The following SPATS2L variants were observed in gnomAD, a reference collection of about 807,000 sequenced individuals.
The protein encoded by SPATS2L is spermatogenesis associated serine rich 2 like.
Under a neutral mutation model 59.6 loss-of-function variants are expected in SPATS2L, and 30 were observed. The observed-to-expected ratio is 0.50, with a 90% CI of 0.38 to 0.68. The LOEUF is 0.68. Among genes scored for constraint, SPATS2L ranks in the 30% least tolerant of loss-of-function variants. The pLI is 0.00. For synonymous variants in SPATS2L, 252 were observed against 263.5 expected, an observed-to-expected ratio of 0.96 and a Z score of 0.42; for missense variants, 615 against 700.0, an observed-to-expected ratio of 0.88 and a Z score of 1.37.
chr2:200,325,136 A>G (rs2079692263), intron 1 of SPATS2L, among the ~76,000 whole-genome samples: 1 of 152,158 alleles, frequency 6.6e-6, no homozygotes, highest in Admixed American at 6.5e-5. Context: ...GGGAATCTAT[A>G]ATCTTGTACC....
At chr2:200,437,121 G>A (rs1420759626) in intron 6 of SPATS2L, among the ~76,000 whole-genome samples, 1 of 152,132 alleles carries the variant, frequency 6.6e-6, no homozygotes, top group African/African-American at 2.4e-5. Context: ...TTCTTGTACA[G>A]CGTACAGAAC....
At chr2:200,338,775 C>T (rs974130624) in intron 2 of SPATS2L, among the ~76,000 whole-genome samples, 1 of 152,186 alleles carries the variant, frequency 6.6e-6, no homozygotes, top group Non-Finnish European at 1.5e-5. Context: ...GTTACCTCTC[C>T]ACTTCACTTC....
intron 5 of SPATS2L, among the ~76,000 whole-genome samples, chr2:200,418,920 C>T (rs1189575683): frequency 9.2e-5 from 14 of 152,198 alleles, no homozygotes; most frequent in Non-Finnish European, 1.5e-5. Context: ...CAAATTTTTT[C>T]AGGATGGTTA....
At chr2:200,381,265 GC>G (rs2081801743) in intron 2 of SPATS2L, among the ~76,000 whole-genome samples, 1 of 151,864 alleles carries the variant, frequency 6.6e-6, no homozygotes, top group African/African-American at 2.4e-5. Context: ...CAGAGAAATA[GC>G]CTACTACTGT....
intron 2 of SPATS2L, chr2:200,384,076 A>G (rs1205683034): frequency 1.1e-6 from 1 of 873,876 alleles, no homozygotes; most frequent in Non-Finnish European, 1.4e-6. Context: ...ACATAAATAT[A>G]TATTTTTAAA....
chr2:200,317,114 A>G (rs1346199293), intron 1 of SPATS2L, among the ~76,000 whole-genome samples: 1 of 152,188 alleles, frequency 6.6e-6, no homozygotes, highest in African/African-American at 2.4e-5. Context: ...TGAAAAGGGC[A>G]CTTCAAATAT....
At chr2:200,397,549 C>A (rs1361236665) in intron 3 of SPATS2L, among the ~76,000 whole-genome samples, 1 of 151,930 alleles carries the variant, frequency 6.6e-6, no homozygotes, top group African/African-American at 2.4e-5. Flanking sequence ...TTATTAAAAC[C>A]ACATTTTCTC....
intron 2 of SPATS2L, among the ~76,000 whole-genome samples, chr2:200,369,094 GA>G (rs2081348193): frequency 1.8e-4 from 1 of 5,464 alleles, no homozygotes; most frequent in Non-Finnish European, 1.9e-3. Flanking sequence ...AAAAAAAAAA[GA>G]AGAGAGTTAT....
intron 3 of SPATS2L, among the ~76,000 whole-genome samples, chr2:200,411,666 G>A (rs540110103): frequency 2.0e-5 from 3 of 152,188 alleles, no homozygotes; most frequent in South Asian, 2.1e-4. Flanking sequence ...GTCATTAAAC[G>A]TTGAATATAA....
chr2:200,464,904 AATAAC>A (rs1358738730), intron 9 of SPATS2L, among the ~76,000 whole-genome samples: 8 of 152,370 alleles, frequency 5.3e-5, no homozygotes, highest in South Asian at 4.1e-4. Flanking sequence ...ATGGCAAACA[AATAAC>A]ATAACCAATC....
At chr2:200,360,623 C>T (rs561807854) in intron 2 of SPATS2L, among the ~76,000 whole-genome samples, 2 of 152,254 alleles carry the variant, frequency 1.3e-5, no homozygotes, top group Non-Finnish European at 1.5e-5. Context: ...ATAAGCCGCT[C>T]CTCCTTGGGG....
intron 2 of SPATS2L, among the ~76,000 whole-genome samples, chr2:200,337,058 A>G (rs1223297151): frequency 1.3e-5 from 2 of 152,220 alleles, no homozygotes; most frequent in Admixed American, 1.3e-4. Flanking sequence ...AATGTAATCT[A>G]TAGTTCATCT....
At position 200,479,328 on chromosome 2, in the gene SPATS2L, G is replaced by C; in HGVS notation, c.*1297G>C. 2.6e-6 allele frequency: 1 copy of C among 383,886 alleles called. No individual in the cohort carries two copies. Among genetic ancestry groups the C allele is most frequent in the Non-Finnish European group, 4.6e-6 (1 of 217,208 alleles). The allele number at this position is 383,886 out of a possible 1,614,324, so 23.8% of individuals were successfully genotyped here. ...TATTTTCCACACTGTCCAGAGGAGA[G>C]AAGTTATCCTAGTAGCTTCTACACA... On this transcript the variant is annotated 3_prime_UTR_variant, in exon 13 of 13. Coordinates refer to ENST00000409140, the MANE Select transcript of SPATS2L (RefSeq NM_001100423.2).
At chr2:200,462,826 TGA>T (rs2086332866) in intron 9 of SPATS2L, among the ~76,000 whole-genome samples, 1 of 152,014 alleles carries the variant, frequency 6.6e-6, no homozygotes, top group Non-Finnish European at 1.5e-5. Context: ...TTCTAGAGGA[TGA>T]GAGGGGAGAA....
At chr2:200,414,314 G>A (rs2082984602) in intron 4 of SPATS2L, among the ~76,000 whole-genome samples, 1 of 152,142 alleles carries the variant, frequency 6.6e-6, no homozygotes, top group African/African-American at 2.4e-5. Context: ...AGTCATTTTG[G>A]TTGGGGAGCA....
intron 5 of SPATS2L, among the ~76,000 whole-genome samples, chr2:200,417,930 T>C (rs2083132611): frequency 6.6e-6 from 1 of 152,206 alleles, no homozygotes; most frequent in Admixed American, 6.5e-5. Context: ...ACCATACTGC[T>C]TGTTGAGTAC....
Position 200,316,024 on chromosome 2 carries a change from CAAAAAAAAAAAA to C in SPATS2L, c.-73+9112_-73+9123del, listed in dbSNP as rs369862567. 2.0e-4 allele frequency among the ~76,000 whole-genome samples: 10 copies of C among 49,798 alleles called. No homozygotes were observed. The East Asian group carries it at 3.0e-3, about 15-fold the overall frequency. 32.7% of individuals were successfully genotyped at this position (49,798 alleles called of 152,430 possible). A position where few individuals can be genotyped will look rare whatever the true frequency, so the allele number is the denominator to read the frequency against. On this transcript the variant is annotated intron_variant, in intron 1 of 12. Coordinates refer to ENST00000409140, the MANE Select transcript of SPATS2L (RefSeq NM_001100423.2). ...TGGGAGACAGTGTGAGACTCCATCT[CAAAAAAAAAAAA>C]AAAAAAAAAGAGATATGCAGAGCTT...
chr2:200,358,477 C>T (rs2080989144), intron 2 of SPATS2L, among the ~76,000 whole-genome samples: 1 of 152,190 alleles, frequency 6.6e-6, no homozygotes, highest in African/African-American at 2.4e-5. Flanking sequence ...AAAAACCTGG[C>T]TGCAAAGGTA....
chr2:200,439,797 AC>A (rs1363322873), intron 7 of SPATS2L, among the ~76,000 whole-genome samples: 1 of 152,224 alleles, frequency 6.6e-6, no homozygotes, highest in African/African-American at 2.4e-5. Flanking sequence ...GAATTTACAC[AC>A]AATGTAACAT....
Sources: gnomAD v4.1 joint callset for allele counts (sites outside exome capture counted in the v4.1 genomes callset) on GRCh38, gnomAD v4.1.1 for gene constraint, MANE v1.5 for transcripts, NCBI Gene and HGNC (gene_info 2026-07-23, HGNC 2026-07-21) for gene names.